The following PHACTR4 variants were observed in gnomAD, a reference collection of about 807,000 sequenced individuals.
PHACTR4 encodes the protein phosphatase and actin regulator 4, also known as protein phosphatase 1, regulatory subunit 124.
PHACTR4 carries 51 observed loss-of-function variants against 72.7 expected under a neutral mutation model. The observed-to-expected ratio is 0.70, with a 90% CI of 0.56 to 0.89. The LOEUF is 0.89. PHACTR4 is among the 40% of genes least tolerant of loss of function. The pLI is 0.00. For synonymous variants in PHACTR4, 255 were observed against 302.5 expected, an observed-to-expected ratio of 0.84 and a Z score of 1.63; for missense variants, 731 against 861.8, an observed-to-expected ratio of 0.85 and a Z score of 1.90.
chr1:28,411,537 A>G (rs2124302126), intron 2 of PHACTR4, among the ~76,000 whole-genome samples: 1 of 152,316 alleles, frequency 6.6e-6, no homozygotes, highest in African/African-American at 2.4e-5. Context: ...ACATATACAT[A>G]TGATAAGAAT....
chr1:28,481,970 T>C (rs970676266), intron 9 of PHACTR4, among the ~76,000 whole-genome samples: 1 of 152,046 alleles, frequency 6.6e-6, no homozygotes, highest in African/African-American at 2.4e-5. Flanking sequence ...CAATCTCGGC[T>C]TACTGCAACC....
intron 8 of PHACTR4, among the ~76,000 whole-genome samples, chr1:28,477,548 G>C (rs1359200100): frequency 1.3e-5 from 2 of 152,150 alleles, no homozygotes; most frequent in East Asian, 3.9e-4. Context: ...ATAAGCATGT[G>C]TGTATGGGTA....
chr1:28,466,079 A>ACTTTTTT (rs1659144659), intron 5 of PHACTR4, among the ~76,000 whole-genome samples: 1 of 152,152 alleles, frequency 6.6e-6, no homozygotes, highest in Non-Finnish European at 1.5e-5. Flanking sequence ...AGTATCAGAT[A>ACTTTTTT]CCTATAGGAT....
intron 2 of PHACTR4, among the ~76,000 whole-genome samples, chr1:28,414,136 C>T (rs184405150): frequency 7.2e-5 from 11 of 152,110 alleles, no homozygotes; most frequent in Admixed American, 4.6e-4. Flanking sequence ...AGTGCAGTGG[C>T]GCCATCTCAG....
chr1:28,438,256 T>G lies in PHACTR4; in HGVS notation c.17-20829T>G, dbSNP rs1656760252. On this transcript the variant is annotated intron_variant, in intron 2 of 13. Coordinates refer to ENST00000373839, the MANE Select transcript of PHACTR4 (RefSeq NM_001048183.3). Reference sequence around the variant, plus strand: ...AGCAGATGAACTGACCTTATGCCATTTCCTGATGTTTGGCAGTGACACTGA... The same window carrying G: ...AGCAGATGAACTGACCTTATGCCATGTCCTGATGTTTGGCAGTGACACTGA... The G allele has an allele frequency of 3.5e-6, 5 of 1,442,428 alleles. No homozygotes were observed. In the East Asian group the frequency reaches 1.3e-4, roughly 39 times the overall value. The allele number at this position is 1,442,428 out of a possible 1,614,324, so 89.4% of individuals were successfully genotyped here.
intron 6 of PHACTR4, among the ~76,000 whole-genome samples, chr1:28,472,276 C>A (rs550103363): frequency 1.3e-5 from 2 of 152,122 alleles, no homozygotes; most frequent in East Asian, 3.9e-4. Flanking sequence ...CCAGCTGAGT[C>A]CATGCCAGTT....
At chr1:28,445,251 C>A (rs1329070169) in intron 2 of PHACTR4, among the ~76,000 whole-genome samples, 1 of 151,990 alleles carries the variant, frequency 6.6e-6, no homozygotes, top group African/African-American at 2.4e-5. Context: ...CCTCACCTGG[C>A]CATATTTAAT....
intron 1 of PHACTR4, among the ~76,000 whole-genome samples, chr1:28,397,253 A>G (rs192426284): frequency 7.2e-5 from 11 of 152,278 alleles, no homozygotes; most frequent in Admixed American, 3.3e-4. Flanking sequence ...AATAAATGCT[A>G]TTTCATGAGA....
At chr1:28,490,543 A>AG (rs1660967537) in intron 10 of PHACTR4, among the ~76,000 whole-genome samples, 1 of 151,086 alleles carries the variant, frequency 6.6e-6, no homozygotes, top group Non-Finnish European at 1.5e-5. Context: ...AAAAAAAAAA[A>AG]GAAAAAAAAA....
At chr1:28,450,401 A>G (rs920367325) in intron 2 of PHACTR4, among the ~76,000 whole-genome samples, 4 of 151,796 alleles carry the variant, frequency 2.6e-5, no homozygotes, top group Non-Finnish European at 4.4e-5. Context: ...GCATGCCTAT[A>G]TGTTCTCTGT....
At chr1:28,397,820 C>T (rs777125655) in intron 1 of PHACTR4, among the ~76,000 whole-genome samples, 8 of 151,810 alleles carry the variant, frequency 5.3e-5, no homozygotes, top group African/African-American at 1.2e-4. Flanking sequence ...CTCAGCCTCC[C>T]GAGTAGCTGG....
chr1:28,438,082 T>G, intron 2 of PHACTR4: 1 of 994,834 alleles, frequency 1.0e-6, no homozygotes, highest in Non-Finnish European at 1.2e-6. Context: ...GCAGCCAGAA[T>G]GTGGTTGGCA....
At chr1:28,477,385 C>A (rs1382608233) in intron 8 of PHACTR4, among the ~76,000 whole-genome samples, 1 of 151,536 alleles carries the variant, frequency 6.6e-6, no homozygotes, top group Non-Finnish European at 1.5e-5. Context: ...GCTGCCCAGG[C>A]TGTTATTGAA....
In PHACTR4 at chr1:28,399,852, A is replaced by G. The variant is rs1282463760; in HGVS notation, c.-38-7558A>G. Among the ~76,000 whole-genome samples the G allele has an allele frequency of 2.0e-5, 3 of 152,228 alleles. No homozygotes were observed. The East Asian group carries it at 5.8e-4, about 29-fold the overall frequency. ...GGAAAGGCCTCTCTGAGGGAGTCAC[A>G]CTTGAGTGACCTGAAATAATGGAGC... On this transcript the variant is annotated intron_variant, in intron 1 of 13. Transcript: ENST00000373839.
rs1453105788 is a variant in PHACTR4, at chr1:28,499,837, C to T, written c.*3288C>T. ...AAGAGAAGTGACAATTCCACTCAGT[C>T]TATTAGAGGTCTGGATATAAGGTAG... On this transcript the variant is annotated 3_prime_UTR_variant, in exon 14 of 14. Transcript: ENST00000373839. The T allele has an allele frequency of 1.3e-5, 2 of 152,132 alleles. No homozygotes were observed. Among genetic ancestry groups the T allele is most frequent in the African/African-American group, 4.8e-5 (2 of 41,430 alleles). 9.4% of individuals were successfully genotyped at this position (152,132 alleles called of 1,614,324 possible).
intron 11 of PHACTR4, 29 bp downstream of exon 11, chr1:28,491,041 A>G (rs758646078): frequency 4.4e-6 from 7 of 1,590,808 alleles, no homozygotes; most frequent in Middle Eastern, 1.7e-4. Context: ...TCAGTTAACT[A>G]TATGTGTTAT....
At chr1:28,434,574 C>G (rs921792960) in intron 2 of PHACTR4, among the ~76,000 whole-genome samples, 2 of 152,180 alleles carry the variant, frequency 1.3e-5, no homozygotes, top group Admixed American at 6.5e-5. Flanking sequence ...CCTACCCTGG[C>G]CTCCCAAAGT....
chr1:28,416,739 G>A (rs1020611906), intron 2 of PHACTR4, among the ~76,000 whole-genome samples: 11 of 152,220 alleles, frequency 7.2e-5, no homozygotes, highest in African/African-American at 2.7e-4. Flanking sequence ...ACCCTGGACA[G>A]ACGATGATAT....
intron 6 of PHACTR4, chr1:28,466,979 C>T (rs1184365430): frequency 7.0e-6 from 4 of 573,478 alleles, no homozygotes; most frequent in Non-Finnish European, 1.2e-5. Context: ...CTTTGGGAGG[C>T]CGAGGTGGGT....
Sources: gnomAD v4.1 joint callset for allele counts (sites outside exome capture counted in the v4.1 genomes callset) on GRCh38, gnomAD v4.1.1 for gene constraint, MANE v1.5 for transcripts, NCBI Gene and HGNC (gene_info 2026-07-23, HGNC 2026-07-21) for gene names.